The following CSMD3 variants were observed in gnomAD, a reference collection of about 807,000 sequenced individuals.
CSMD3 encodes the protein CUB and sushi domain-containing protein 3.
A neutral mutation model predicts 435.2 loss-of-function variants in CSMD3; 177 were observed. The ratio of observed to expected loss-of-function variants is 0.41; its 90% CI spans 0.36 to 0.46. The LOEUF is 0.46. Ranked by LOEUF, CSMD3 falls within the 20% of genes least tolerant of loss-of-function variation. The probability of loss-of-function intolerance (pLI) is 0.34; values close to 1 mark genes in which losing one functional copy is unlikely to be tolerated. For synonymous variants in CSMD3, 1,656 were observed against 1,520.5 expected, an observed-to-expected ratio of 1.09 and a Z score of -2.07; for missense variants, 4,265 against 4,504.6, an observed-to-expected ratio of 0.95 and a Z score of 1.52.
chr8:112,707,638 G>T (rs924371475), intron 13 of CSMD3, among the ~76,000 whole-genome samples: 12 of 151,976 alleles, frequency 7.9e-5, no homozygotes, highest in African/African-American at 2.7e-4. Flanking sequence ...CAACCTTTGA[G>T]GGTTGTTTTG....
chr8:113,087,839 A>G (rs1368229480), intron 5 of CSMD3, among the ~76,000 whole-genome samples: 3 of 152,222 alleles, frequency 2.0e-5, no homozygotes, highest in Non-Finnish European at 4.4e-5. Context: ...AATGGCAACA[A>G]AAGCCAAAAT....
At chr8:113,001,266 C>A (rs755254350) in intron 6 of CSMD3, among the ~76,000 whole-genome samples, 4 of 152,180 alleles carry the variant, frequency 2.6e-5, no homozygotes, top group East Asian at 3.9e-4. Context: ...GCTTAAAATT[C>A]TTCTGTGTCT....
chr8:112,256,674 G>A (rs1280210097), intron 61 of CSMD3, among the ~76,000 whole-genome samples: 2 of 152,132 alleles, frequency 1.3e-5, no homozygotes, highest in African/African-American at 4.8e-5. Flanking sequence ...TTGTGGCAAA[G>A]AAAATACATA....
At position 112,771,972 on chromosome 8, in the gene CSMD3, T is replaced by A. The variant is rs1276196463; in HGVS notation, c.1972+28190A>T. On this transcript the variant is annotated intron_variant, in intron 13 of 70. Transcript: ENST00000297405. ...ATATACTCAAACACACAATTGAAGA[T>A]ATAAAAACTTCCTTGAATCAGAAAT... is the stretch of plus-strand genomic sequence containing the variant. 2.0e-5 allele frequency among the ~76,000 whole-genome samples: 3 copies of A among 152,096 alleles called. No homozygotes were observed. In the East Asian group the frequency reaches 5.8e-4, roughly 29 times the overall value.
At chr8:113,329,591 A>G (rs950000453) in intron 1 of CSMD3, among the ~76,000 whole-genome samples, 1 of 152,194 alleles carries the variant, frequency 6.6e-6, no homozygotes, top group African/African-American at 2.4e-5. Flanking sequence ...GGGTGGGAAA[A>G]AAGTCGTCAA....
At chr8:112,727,920 C>A (rs2076999076) in intron 13 of CSMD3, among the ~76,000 whole-genome samples, 1 of 151,790 alleles carries the variant, frequency 6.6e-6, no homozygotes, top group Non-Finnish European at 1.5e-5. Context: ...ATAATTAAAT[C>A]TTAGTGTCTA....
At chr8:113,176,111 T>C (rs1037227538) in intron 3 of CSMD3, among the ~76,000 whole-genome samples, 1 of 152,138 alleles carries the variant, frequency 6.6e-6, no homozygotes, top group Non-Finnish European at 1.5e-5. Context: ...GCCTTATCGC[T>C]TAATTACTTC....
intron 6 of CSMD3, among the ~76,000 whole-genome samples, chr8:112,997,952 T>C (rs1357792642): frequency 6.6e-6 from 1 of 151,118 alleles, no homozygotes; most frequent in Non-Finnish European, 1.5e-5. Context: ...ATTTTGCCTC[T>C]ATATGTCTCA....
chr8:112,760,299 GAGA>G (rs2077807263), intron 13 of CSMD3, among the ~76,000 whole-genome samples: 1 of 152,154 alleles, frequency 6.6e-6, no homozygotes, highest in African/African-American at 2.4e-5. Flanking sequence ...GGAGAATGGG[GAGA>G]AGAAGGATTT....
chr8:113,153,238 AAAG>A (rs2091866883), intron 4 of CSMD3, among the ~76,000 whole-genome samples: 2 of 151,506 alleles, frequency 1.3e-5, no homozygotes, highest in Non-Finnish European at 2.9e-5. Context: ...AAGAAGAAAG[AAAG>A]AAGAGAGAAA....
intron 4 of CSMD3, among the ~76,000 whole-genome samples, chr8:113,135,729 C>A (rs1000288313): frequency 6.6e-6 from 1 of 151,714 alleles, no homozygotes; most frequent in Non-Finnish European, 1.5e-5. Flanking sequence ...TTAGAAGAAT[C>A]CAATTACTTG....
intron 35 of CSMD3, among the ~76,000 whole-genome samples, chr8:112,405,114 C>A (rs1272902353): frequency 1.5e-5 from 2 of 134,876 alleles, no homozygotes; most frequent in South Asian, 5.1e-4. Flanking sequence ...ACCTGGGAGG[C>A]GGAAGTTGCA....
At chr8:113,342,028 T>C (rs1205518876) in intron 1 of CSMD3, among the ~76,000 whole-genome samples, 1 of 151,744 alleles carries the variant, frequency 6.6e-6, no homozygotes, top group Non-Finnish European at 1.5e-5. Flanking sequence ...ATAAGGAAAT[T>C]ACCAAACTCG....
chr8:112,510,665 T>A (rs1823023490), intron 28 of CSMD3, among the ~76,000 whole-genome samples: 1 of 152,168 alleles, frequency 6.6e-6, no homozygotes, highest in Admixed American at 6.5e-5. Flanking sequence ...CAGTATTCAT[T>A]ACTAATATGT....
intron 2 of CSMD3, among the ~76,000 whole-genome samples, chr8:113,292,550 T>G (rs2093693554): frequency 6.6e-6 from 1 of 151,952 alleles, no homozygotes; most frequent in South Asian, 2.1e-4. Context: ...TCAATTATTT[T>G]TATTAGTCTT....
At chr8:113,359,605 G>T (rs2094257740) in intron 1 of CSMD3, among the ~76,000 whole-genome samples, 1 of 152,170 alleles carries the variant, frequency 6.6e-6, no homozygotes, top group Non-Finnish European at 1.5e-5. Flanking sequence ...CATTCTTCTA[G>T]CCATTGGCAG....
chr8:112,646,442 GT>G (rs1435877814), intron 19 of CSMD3, among the ~76,000 whole-genome samples: 1 of 152,044 alleles, frequency 6.6e-6, no homozygotes, highest in African/African-American at 2.4e-5. Flanking sequence ...TTGAGAGAAA[GT>G]TTTTCTGTAT....
intron 32 of CSMD3, among the ~76,000 whole-genome samples, chr8:112,465,405 C>T (rs1469425546): frequency 1.3e-5 from 2 of 152,098 alleles, no homozygotes; most frequent in Admixed American, 1.3e-4. Context: ...AATACTGTGG[C>T]CCACAGCCTT....
chr8:113,121,311 C>T (rs529137005), intron 4 of CSMD3, among the ~76,000 whole-genome samples: 2 of 152,054 alleles, frequency 1.3e-5, no homozygotes, highest in Admixed American at 6.6e-5. Flanking sequence ...GAAGCATCTT[C>T]TTCTCTTGTC....
Sources: gnomAD v4.1 joint callset for allele counts (sites outside exome capture counted in the v4.1 genomes callset) on GRCh38, gnomAD v4.1.1 for gene constraint, MANE v1.5 for transcripts, NCBI Gene and HGNC (gene_info 2026-07-23, HGNC 2026-07-21) for gene names.